Variants in SLC6A2 observed in about 807,000 individuals in gnomAD.
SLC6A2 encodes the protein solute carrier family 6 member 2, also known as sodium-dependent noradrenaline transporter.
A neutral mutation model predicts 71.7 loss-of-function variants in SLC6A2; 26 were observed. The observed-to-expected ratio is 0.36, with a 90% CI of 0.27 to 0.50. The LOEUF (loss-of-function observed/expected upper bound fraction) is 0.50, where lower values mean the gene tolerates loss of function less well. Ranked by LOEUF, SLC6A2 falls within the 20% of genes least tolerant of loss-of-function variation. The probability of loss-of-function intolerance (pLI) is 0.96; values close to 1 mark genes in which losing one functional copy is unlikely to be tolerated. For missense variants in SLC6A2, 581 were observed against 803.9 expected, an observed-to-expected ratio of 0.72 and a Z score of 3.35; for synonymous variants, 363 against 337.9, an observed-to-expected ratio of 1.07 and a Z score of -0.82.
At chr16:55,688,257 T>A (rs1388316919) in intron 5 of SLC6A2, among the ~76,000 whole-genome samples, 1 of 152,244 alleles carries the variant, frequency 6.6e-6, no homozygotes, top group Non-Finnish European at 1.5e-5. Context: ...TGGCCTCAAA[T>A]GAATTGCAAA....
At chr16:55,700,446 G>A (rs1965939927) in intron 13 of SLC6A2, 140 bp downstream of exon 13, 1 of 696,482 alleles carries the variant, frequency 1.4e-6, no homozygotes, top group South Asian at 1.9e-5. Context: ...TCATTGGCCA[G>A]GTTATTTTCC....
At position 55,674,768 on chromosome 16, in the gene SLC6A2, T is replaced by C. The variant is rs550615697; in HGVS notation, c.644+2593T>C. Among the ~76,000 whole-genome samples the C allele has an allele frequency of 3.9e-5, 6 of 152,310 alleles. No individual in the cohort carries two copies. The East Asian group carries it at 1.2e-3, about 29-fold the overall frequency. ...AATCCATCATTGATGGGCACCTAGG[T>C]TGATGACATGTCTTTGCTATTTTGA... is the stretch of plus-strand genomic sequence containing the variant. On this transcript the variant is annotated intron_variant, in intron 4 of 14. Coordinates refer to ENST00000568943, the MANE Select transcript of SLC6A2 (RefSeq NM_001172501.3).
rs1965613167 is a variant in SLC6A2, at chr16:55,691,233, GA to G, written c.784-684del. ...GAGAGGGGGGGAGGGGAGAGGGGGA[GA>G]GAGAGAGAGAGAGAGAGAGAGAGAG... On this transcript the variant is annotated intron_variant, in intron 5 of 14. Coordinates refer to ENST00000568943, the MANE Select transcript of SLC6A2 (RefSeq NM_001172501.3). 6.4e-3 allele frequency among the ~76,000 whole-genome samples: 23 copies of G among 3,570 alleles called. 1 individual carries two copies. In the South Asian group the frequency reaches 0.15, roughly 23 times the overall value. 2.3% of individuals were successfully genotyped at this position (3,570 alleles called of 152,430 possible).
chr16:55,695,710 C>T (rs1294326063), intron 8 of SLC6A2, among the ~76,000 whole-genome samples: 2 of 152,136 alleles, frequency 1.3e-5, no homozygotes, highest in South Asian at 2.1e-4. Context: ...ACAAGGCTGC[C>T]GGGCAAGTGT....
chr16:55,692,888 A>G (rs1436743559), intron 6 of SLC6A2, among the ~76,000 whole-genome samples: 1 of 152,276 alleles, frequency 6.6e-6, no homozygotes, highest in African/African-American at 2.4e-5. Context: ...CTATTTTCAT[A>G]GTAACAGCCA....
chr16:55,670,042 T>C (rs1266632111), intron 3 of SLC6A2, among the ~76,000 whole-genome samples: 2 of 152,230 alleles, frequency 1.3e-5, no homozygotes, highest in South Asian at 2.1e-4. Flanking sequence ...GCGTTAGAAG[T>C]TGATCATGGA....
chr16:55,699,520 G>A (rs532032337), intron 11 of SLC6A2, 34 bp from the exon 12 acceptor site: 4 of 1,541,602 alleles, frequency 2.6e-6, no homozygotes, highest in Middle Eastern at 1.7e-4. Context: ...TATCATGGGG[G>A]CCATGGTAAC....
intron 4 of SLC6A2, among the ~76,000 whole-genome samples, chr16:55,682,990 C>T (rs1965325599): frequency 1.3e-5 from 2 of 152,192 alleles, no homozygotes; most frequent in South Asian, 4.1e-4. Context: ...GTGTCCGAGG[C>T]CCAGATGGGC....
At chr16:55,685,814 T>G (rs1249614030) in intron 5 of SLC6A2, among the ~76,000 whole-genome samples, 1 of 152,180 alleles carries the variant, frequency 6.6e-6, no homozygotes, top group Non-Finnish European at 1.5e-5. Context: ...TCCAGGTGCC[T>G]TGGAGAGAAG....
intron 2 of SLC6A2, among the ~76,000 whole-genome samples, chr16:55,665,411 A>T (rs1305601838): frequency 3.9e-5 from 6 of 151,942 alleles, no homozygotes; most frequent in Admixed American, 3.9e-4. Context: ...GTGTGGACCA[A>T]GGTTTTCTTG....
Position 55,703,481 on chromosome 16 carries a change from T to A in SLC6A2, c.*1135T>A. 6 of 985,368 alleles carry A rather than the reference T, an allele frequency of 6.1e-6. No homozygotes were observed. The highest frequency in any genetic ancestry group is 7.2e-6 in the Non-Finnish European group (6 of 829,888). The allele number at this position is 985,368 out of a possible 1,614,324, so 61.0% of individuals were successfully genotyped here. On this transcript the variant is annotated 3_prime_UTR_variant, in exon 15 of 15. Coordinates refer to ENST00000568943, the MANE Select transcript of SLC6A2 (RefSeq NM_001172501.3). Reference sequence around the variant, plus strand: ...GGTGAGACAAGCAGCCCAGAAATACTCTCTCAAGTGGAGGGGAGAATTTTG... The same window carrying A: ...GGTGAGACAAGCAGCCCAGAAATACACTCTCAAGTGGAGGGGAGAATTTTG...
Position 55,685,275 on chromosome 16 carries a change from A to G in SLC6A2, c.777A>G (p.Ser259=). Residue 259 remains serine (S), a synonymous_variant, in exon 5 of 15, where the codon TCA becomes TCG. Transcript: ENST00000568943. ...GCCTCTGGAAAGGGGTGAAGACATC[A>G]GGAAAGGTAATATCTCTGTGTTTCT... The part of the protein sequence containing the change: ...YFSLWKGVKT[S]GKVVWITATL... 6.2e-7 allele frequency: 1 copy of G among 1,614,076 alleles called. No homozygotes were observed. The highest frequency in any genetic ancestry group is 1.3e-5 in the African/African-American group (1 of 75,036).
chr16:55,668,036 T>C (rs1205642896), intron 2 of SLC6A2, among the ~76,000 whole-genome samples: 1 of 152,202 alleles, frequency 6.6e-6, no homozygotes, highest in Non-Finnish European at 1.5e-5. Flanking sequence ...CAGGTCCTGC[T>C]TGATACACAG....
At chr16:55,691,880 C>T in intron 5 of SLC6A2, 38 bp from the exon 6 acceptor site, 3 of 1,613,050 alleles carry the variant, frequency 1.9e-6, no homozygotes, top group Non-Finnish European at 2.5e-6. Flanking sequence ...GGATTGGGGC[C>T]AGAGCGAGGC....
At chr16:55,678,873 G>C (rs150213349) in intron 4 of SLC6A2, among the ~76,000 whole-genome samples, 1 of 152,208 alleles carries the variant, frequency 6.6e-6, no homozygotes, top group African/African-American at 2.4e-5. Context: ...GGCCTGCTGG[G>C]GGAAGGAGGC....
chr16:55,691,923 G>A lies in SLC6A2; in HGVS notation c.789G>A (p.Val263=). ...TGAACTTATCCATTGCCCAGGTGGTGTGGATCACAGCCACGCTGCCTTACT... is the reference window on the plus strand; with the variant it reads ...TGAACTTATCCATTGCCCAGGTGGTATGGATCACAGCCACGCTGCCTTACT... ...WKGVKTSGKV[V]WITATLPYFV... Residue 263 remains valine (V), a synonymous_variant, in exon 6 of 15, where the codon GTG becomes GTA. Transcript: ENST00000568943. 6 of 1,614,184 alleles carry A rather than the reference G, an allele frequency of 3.7e-6. No individual in the cohort carries two copies. The highest frequency in any genetic ancestry group is 4.2e-6 in the Non-Finnish European group (5 of 1,180,030).
intron 6 of SLC6A2, 141 bp downstream of exon 6, chr16:55,692,193 C>A: frequency 1.0e-6 from 1 of 990,738 alleles, no homozygotes; most frequent in Non-Finnish European, 1.6e-6. Context: ...GTCTGAGGTG[C>A]AGCTTCCCCA....
intron 4 of SLC6A2, 95 bp from the exon 5 acceptor site, chr16:55,685,048 T>A: frequency 8.1e-7 from 1 of 1,241,412 alleles, no homozygotes; most frequent in Non-Finnish European, 1.2e-6. Flanking sequence ...CCTGTCTCCA[T>A]CAGCATGCAT....
At chr16:55,685,793 G>A (rs1965432740) in intron 5 of SLC6A2, among the ~76,000 whole-genome samples, 1 of 152,110 alleles carries the variant, frequency 6.6e-6, no homozygotes, top group South Asian at 2.1e-4. Context: ...AGAAATAAGT[G>A]CCCCCAGGGT....
Sources: gnomAD v4.1 joint callset for allele counts (sites outside exome capture counted in the v4.1 genomes callset) on GRCh38, gnomAD v4.1.1 for gene constraint, MANE v1.5 for transcripts, NCBI Gene and HGNC (gene_info 2026-07-23, HGNC 2026-07-21) for gene names.